PRICKLE2: variants seen among roughly 807,000 people sequenced by gnomAD.
The protein encoded by PRICKLE2 is prickle planar cell polarity protein 2.
In PRICKLE2, 21 loss-of-function variants were observed where a neutral mutation model predicts 81.4. The ratio of observed to expected loss-of-function variants is 0.26; its 90% confidence interval spans 0.18 to 0.37. The LOEUF (loss-of-function observed/expected upper bound fraction) is 0.37, where lower values mean the gene tolerates loss of function less well. Among genes scored for constraint, PRICKLE2 ranks in the 10% least tolerant of loss-of-function variants. The pLI is 1.00. For synonymous variants in PRICKLE2, 456 were observed against 421.5 expected, an observed-to-expected ratio of 1.08 and a Z score of -1.00; for missense variants, 940 against 1,109.0, an observed-to-expected ratio of 0.85 and a Z score of 2.16.
At chr3:64,153,063 C>A in intron 6 of PRICKLE2, 119 bp downstream of exon 6, 1 of 975,182 alleles carries the variant, frequency 1.0e-6, no homozygotes, top group Admixed American at 1.7e-5. Context: ...TTCCCTTTTT[C>A]AGTTAAGTTA....
chr3:64,125,141 G>A (rs2077086849), intron 7 of PRICKLE2, among the ~76,000 whole-genome samples: 1 of 152,126 alleles, frequency 6.6e-6, no homozygotes, highest in African/African-American at 2.4e-5. Context: ...CAGGTATAGT[G>A]GAAATAGCAA....
At chr3:64,172,740 G>A (rs1197146121) in intron 2 of PRICKLE2, among the ~76,000 whole-genome samples, 1 of 152,146 alleles carries the variant, frequency 6.6e-6, no homozygotes, top group East Asian at 1.9e-4. Context: ...ACCCCTATGT[G>A]TGACTATATT....
intron 2 of PRICKLE2, among the ~76,000 whole-genome samples, chr3:64,230,786 C>T (rs1251646486): frequency 1.1e-4 from 17 of 152,104 alleles, no homozygotes; most frequent in East Asian, 7.7e-4. Flanking sequence ...TCAAAGGCTT[C>T]GGTAAGATTA....
chr3:64,209,947 C>T (rs1046857061), intron 1 of PRICKLE2, among the ~76,000 whole-genome samples: 30 of 152,250 alleles, frequency 2.0e-4, no homozygotes, highest in African/African-American at 6.3e-4. Context: ...AATCAGAGTA[C>T]GAGTTTTCCC....
chr3:64,099,391 A>C lies in PRICKLE2; in HGVS notation c.2195T>G (p.Phe732Cys), dbSNP rs1250135646. 1.2e-6 allele frequency: 2 copies of C among 1,604,102 alleles called. No individual in the cohort carries two copies. The highest frequency in any genetic ancestry group is 1.7e-6 in the Non-Finnish European group (2 of 1,172,870). The part of the protein sequence containing the change: ...DYDQFMRQRS[F>C]QESMGHGSRR... ...GGACCCATGCCCCATGCTCTCCTGG[A>C]AGCTCCGCTGGCGCATAAATTGGTC... Residue 732 changes from phenylalanine (F) to cysteine (C), a missense_variant, in exon 8 of 8, where the codon TTC (phenylalanine) becomes TGC (cysteine). Phe to Cys is a radical substitution (Grantham distance 205, BLOSUM62 -2). This residue lies in a region of PRICKLE2 where 670 missense variants were observed against 717.2 expected (regional missense o/e 0.93). Coordinates refer to ENST00000638394, the MANE Select transcript of PRICKLE2 (RefSeq NM_198859.4). The surrounding 1 kb of genome is among the most constrained non-coding windows in gnomAD (Gnocchi z 4.3).
At chr3:64,245,707 G>GA (rs1253547154) in intron 2 of PRICKLE2, among the ~76,000 whole-genome samples, 1 of 152,276 alleles carries the variant, frequency 6.6e-6, no homozygotes, top group East Asian at 1.9e-4. Flanking sequence ...TCCTGAGAAA[G>GA]TTTTAAATCC....
At chr3:64,148,473 G>A (rs1254580422) in intron 6 of PRICKLE2, among the ~76,000 whole-genome samples, 1 of 152,208 alleles carries the variant, frequency 6.6e-6, no homozygotes, top group Non-Finnish European at 1.5e-5. Context: ...AACATGGCCT[G>A]GTGTATGACA....
chr3:64,142,027 A>C, intron 7 of PRICKLE2: 1 of 818,038 alleles, frequency 1.2e-6, no homozygotes, highest in Non-Finnish European at 1.5e-6. Context: ...GCAAAATTCA[A>C]ATGTAAACAG....
chr3:64,205,515 G>A (rs1413560742), intron 1 of PRICKLE2, among the ~76,000 whole-genome samples: 1 of 152,140 alleles, frequency 6.6e-6, no homozygotes, highest in African/African-American at 2.4e-5. Context: ...TTGGTGGCAG[G>A]AATACTTATC....
rs563558167 is a variant in PRICKLE2 at position 64,220,308 on chromosome 3, A to G, written c.-41+4602T>C. ...CCCTTAACCCTGGATGGGGCTGGAA[A>G]ATATTTACAAGGTTTGATTTTAAGG... On this transcript the variant is annotated intron_variant, in intron 1 of 7. Coordinates refer to ENST00000638394, the MANE Select transcript of PRICKLE2 (RefSeq NM_198859.4). 2.6e-5 allele frequency among the ~76,000 whole-genome samples: 4 copies of G among 152,318 alleles called. No individual in the cohort carries two copies. The South Asian group carries it at 8.3e-4, about 32-fold the overall frequency.
rs576842695 is a variant in PRICKLE2 at position 64,195,167 on chromosome 3, C to T, written c.144+3617G>A. Among the ~76,000 whole-genome samples the T allele has an allele frequency of 3.3e-5, 5 of 152,348 alleles. No individual in the cohort carries two copies. In the East Asian group the frequency reaches 5.8e-4, roughly 18 times the overall value. ...AGTGAGCAGAGGCAAAGGATCTGAACAACTTCTCTGATCAGTTTTCAGTTC... is the reference window on the plus strand; with the variant it reads ...AGTGAGCAGAGGCAAAGGATCTGAATAACTTCTCTGATCAGTTTTCAGTTC... On this transcript the variant is annotated intron_variant, in intron 2 of 7. Coordinates refer to ENST00000638394, the MANE Select transcript of PRICKLE2 (RefSeq NM_198859.4).
At chr3:64,133,890 T>C (rs891913207) in intron 7 of PRICKLE2, among the ~76,000 whole-genome samples, 4 of 152,302 alleles carry the variant, frequency 2.6e-5, no homozygotes, top group East Asian at 3.9e-4. Context: ...CACTCATCCA[T>C]TGATGCTGGT....
chr3:64,211,244 G>A (rs545835318), intron 1 of PRICKLE2, among the ~76,000 whole-genome samples: 9 of 152,294 alleles, frequency 5.9e-5, no homozygotes, highest in Admixed American at 2.6e-4. Flanking sequence ...AGGCAATGCC[G>A]AAATACTTGT....
chr3:64,187,885 G>A (rs866062838), intron 2 of PRICKLE2, among the ~76,000 whole-genome samples: 7 of 152,204 alleles, frequency 4.6e-5, no homozygotes, highest in East Asian at 1.9e-4. Context: ...TATAATTCAC[G>A]GTCCTGCAGT....
intron 1 of PRICKLE2, chr3:64,200,488 A>T (rs572740672): frequency 6.6e-6 from 1 of 152,218 alleles, no homozygotes; most frequent in South Asian, 2.1e-4. Flanking sequence ...ACAGGTTCTC[A>T]TTGTTTCCCA....
chr3:64,246,401 C>T (rs534843980), intron 2 of PRICKLE2, among the ~76,000 whole-genome samples: 6 of 152,294 alleles, frequency 3.9e-5, no homozygotes, highest in South Asian at 2.1e-4. Flanking sequence ...CTCAGATAAC[C>T]GTGACCCAAC....
intron 2 of PRICKLE2, 61 bp downstream of exon 2, chr3:64,198,723 A>C: frequency 6.6e-7 from 1 of 1,522,304 alleles, no homozygotes; most frequent in Admixed American, 1.7e-5. Context: ...GGAATGAGGA[A>C]GGACCAGTAA....
chr3:64,248,421 C>A (rs1444028684), intron 2 of PRICKLE2, among the ~76,000 whole-genome samples: 1 of 152,148 alleles, frequency 6.6e-6, no homozygotes, highest in Non-Finnish European at 1.5e-5. Flanking sequence ...GTGTAACCAA[C>A]CTGTGGATGC....
chr3:64,133,522 G>C (rs9873216), intron 7 of PRICKLE2, among the ~76,000 whole-genome samples: 1 of 151,580 alleles, frequency 6.6e-6, no homozygotes, highest in Non-Finnish European at 1.5e-5. Flanking sequence ...CACAGACTCA[G>C]AGAACAAATT....
Sources: allele counts gnomAD v4.1 joint callset (sites outside exome capture counted in the v4.1 genomes callset), GRCh38; gene constraint gnomAD v4.1.1; regional missense constraint gnomAD v4.1.1; non-coding constraint Gnocchi (gnomAD v3.1); transcripts MANE v1.5; gene names NCBI Gene and HGNC (gene_info 2026-07-23, HGNC 2026-07-21).